The following TRPC4 variants were observed in gnomAD, a reference collection of about 807,000 sequenced individuals.
TRPC4 encodes transient receptor potential cation channel subfamily C member 4, also known as short transient receptor potential channel 4.
Under a neutral mutation model 99.4 loss-of-function variants are expected in TRPC4, and 49 were observed. The observed-to-expected ratio is 0.49, with a 90% CI of 0.39 to 0.63. The LOEUF (loss-of-function observed/expected upper bound fraction) is 0.63, where lower values mean the gene tolerates loss of function less well. Ranked by LOEUF, TRPC4 falls within the 20% of genes least tolerant of loss-of-function variation. The probability of loss-of-function intolerance (pLI) is 0.00; values close to 1 mark genes in which losing one functional copy is unlikely to be tolerated. For synonymous variants in TRPC4, 454 were observed against 425.9 expected, an observed-to-expected ratio of 1.07 and a Z score of -0.81; for missense variants, 898 against 1,152.9, an observed-to-expected ratio of 0.78 and a Z score of 3.20.
chr13:37,828,279 G>A (rs35142137), intron 1 of TRPC4, among the ~76,000 whole-genome samples: 43,578 of 151,940 alleles, frequency 0.29, 6,450 homozygotes, highest in East Asian at 0.43. Context: ...GTTCCTATTC[G>A]GCCATCTTGG....
chr13:37,850,891 G>A (rs1011710469), intron 1 of TRPC4, among the ~76,000 whole-genome samples: 1 of 152,118 alleles, frequency 6.6e-6, no homozygotes, highest in Non-Finnish European at 1.5e-5. Context: ...ACAAGAACAC[G>A]TAATTCCCAC....
intron 7 of TRPC4, 152 bp from the exon 8 acceptor site, chr13:37,651,611 C>A: frequency 1.5e-6 from 1 of 687,414 alleles, no homozygotes; most frequent in South Asian, 1.9e-5. Context: ...AGACAGTCAT[C>A]TAAACATTTC....
At chr13:37,747,713 A>G (rs1000028116) in intron 2 of TRPC4, among the ~76,000 whole-genome samples, 8 of 152,194 alleles carry the variant, frequency 5.3e-5, no homozygotes, top group African/African-American at 1.9e-4. Context: ...TAGGATATCC[A>G]TTGGTTTCAT....
At chr13:37,788,037 T>C (rs1174654575) in intron 1 of TRPC4, among the ~76,000 whole-genome samples, 1 of 152,072 alleles carries the variant, frequency 6.6e-6, no homozygotes, top group Non-Finnish European at 1.5e-5. Context: ...AGAAAACATA[T>C]CTTTTAGAAA....
At chr13:37,695,791 T>A (rs1391208405) in intron 3 of TRPC4, among the ~76,000 whole-genome samples, 1 of 152,210 alleles carries the variant, frequency 6.6e-6, no homozygotes, top group Non-Finnish European at 1.5e-5. Context: ...CTATGAAAAC[T>A]ATTGAATCTA....
At chr13:37,668,080 C>T (rs556493336) in intron 5 of TRPC4, among the ~76,000 whole-genome samples, 2 of 152,294 alleles carry the variant, frequency 1.3e-5, no homozygotes, top group East Asian at 3.9e-4. Context: ...CATTAGGATC[C>T]TGCTGATCAG....
At chr13:37,821,521 AAG>A (rs1668026101) in intron 1 of TRPC4, among the ~76,000 whole-genome samples, 1 of 152,180 alleles carries the variant, frequency 6.6e-6, no homozygotes, top group South Asian at 2.1e-4. Context: ...CCTAAGCAAA[AAG>A]AACAAAACTG....
intron 1 of TRPC4, among the ~76,000 whole-genome samples, chr13:37,855,641 AAGTC>A (rs1959166978): frequency 8.9e-6 from 1 of 112,106 alleles, no homozygotes; most frequent in Non-Finnish European, 2.2e-5. Flanking sequence ...GTCACAAAAC[AAGTC>A]TTAAAACATT....
chr13:37,719,758 T>C (rs1460226462), intron 3 of TRPC4, among the ~76,000 whole-genome samples: 1 of 151,682 alleles, frequency 6.6e-6, no homozygotes, highest in African/African-American at 2.4e-5. Context: ...AAATTGAGGG[T>C]ATTGTGGCAG....
At chr13:37,789,397 G>C (rs1593747735) in intron 1 of TRPC4, among the ~76,000 whole-genome samples, 1 of 152,064 alleles carries the variant, frequency 6.6e-6, no homozygotes, top group South Asian at 2.1e-4. Context: ...TCAATGCACA[G>C]TTATGTAGCC....
At chr13:37,679,996 T>A (rs1953183074) in intron 4 of TRPC4, among the ~76,000 whole-genome samples, 1 of 152,148 alleles carries the variant, frequency 6.6e-6, no homozygotes, top group South Asian at 2.1e-4. Flanking sequence ...ACAGCCTGCA[T>A]GAGAAAACTA....
At chr13:37,819,058 G>T (rs9566265) in intron 1 of TRPC4, among the ~76,000 whole-genome samples, 1 of 151,606 alleles carries the variant, frequency 6.6e-6, no homozygotes, top group African/African-American at 2.4e-5. Flanking sequence ...CATAATTGTG[G>T]CCAGGAGGCA....
chr13:37,805,208 T>C (rs1957500857), intron 1 of TRPC4, among the ~76,000 whole-genome samples: 2 of 151,992 alleles, frequency 1.3e-5, no homozygotes, highest in African/African-American at 2.4e-5. Flanking sequence ...AGAGGAATAC[T>C]TTCTGTTTTA....
At chr13:37,654,369 A>G (rs1952152167) in intron 7 of TRPC4, among the ~76,000 whole-genome samples, 1 of 152,140 alleles carries the variant, frequency 6.6e-6, no homozygotes, top group African/African-American at 2.4e-5. Context: ...TTTTGCTGCT[A>G]TTGCTAGTGG....
intron 3 of TRPC4, among the ~76,000 whole-genome samples, chr13:37,699,360 A>G (rs1329061168): frequency 6.6e-6 from 1 of 152,190 alleles, no homozygotes; most frequent in Non-Finnish European, 1.5e-5. Flanking sequence ...ATACACAAGT[A>G]TGTAATATGT....
chr13:37,686,341 T>C (rs953036335), intron 4 of TRPC4, among the ~76,000 whole-genome samples: 1 of 152,094 alleles, frequency 6.6e-6, no homozygotes, highest in African/African-American at 2.4e-5. Flanking sequence ...TATGTATGTG[T>C]ATATATGTGT....
chr13:37,840,623 T>G (rs1323402743), intron 1 of TRPC4, among the ~76,000 whole-genome samples: 1 of 151,940 alleles, frequency 6.6e-6, no homozygotes, highest in Non-Finnish European at 1.5e-5. Context: ...TGTTCCAAAC[T>G]GTTATATATG....
intron 5 of TRPC4, among the ~76,000 whole-genome samples, chr13:37,667,601 C>G (rs1400131568): frequency 6.6e-6 from 1 of 152,198 alleles, no homozygotes; most frequent in Non-Finnish European, 1.5e-5. Flanking sequence ...AGCCACGGCA[C>G]CCAGCCCTCC....
At chr13:37,736,471 T>C (rs1955397183) in intron 3 of TRPC4, among the ~76,000 whole-genome samples, 1 of 152,112 alleles carries the variant, frequency 6.6e-6, no homozygotes, top group African/African-American at 2.4e-5. Flanking sequence ...TGAGTATAGC[T>C]AAGATTCTGA....
Sources: allele counts gnomAD v4.1 joint callset (sites outside exome capture counted in the v4.1 genomes callset), GRCh38; gene constraint gnomAD v4.1.1; transcripts MANE v1.5; gene names NCBI Gene and HGNC (gene_info 2026-07-23, HGNC 2026-07-21).